GPC5: variants seen among roughly 807,000 people sequenced by gnomAD.
GPC5 encodes glypican 5.
In GPC5, 47 loss-of-function variants were observed where a neutral mutation model predicts 53.9. That is an observed-to-expected ratio of 0.87 (90% CI 0.69 to 1.11). GPC5 has a LOEUF of 1.11. Among genes scored for constraint, GPC5 ranks in the 50% most tolerant of loss-of-function variants. The pLI is 0.00. For missense variants in GPC5, 748 were observed against 713.1 expected, an observed-to-expected ratio of 1.05 and a Z score of -0.56; for synonymous variants, 286 against 263.3, an observed-to-expected ratio of 1.09 and a Z score of -0.84.
At chr13:92,530,452 G>A (rs1313177490) in intron 7 of GPC5, among the ~76,000 whole-genome samples, 1 of 152,034 alleles carries the variant, frequency 6.6e-6, no homozygotes, top group South Asian at 2.1e-4. Context: ...GAGAAAACAT[G>A]AAGAATGGCA....
intron 7 of GPC5, among the ~76,000 whole-genome samples, chr13:92,309,445 T>A (rs2043131914): frequency 6.6e-6 from 1 of 152,144 alleles, no homozygotes; most frequent in Non-Finnish European, 1.5e-5. Flanking sequence ...TGAATGTGTT[T>A]ACTCATACAC....
At chr13:92,159,828 T>A (rs1416439260) in intron 7 of GPC5, among the ~76,000 whole-genome samples, 1 of 151,912 alleles carries the variant, frequency 6.6e-6, no homozygotes, top group Non-Finnish European at 1.5e-5. Flanking sequence ...AGTCTCGATC[T>A]CCTGACCTCG....
intron 7 of GPC5, among the ~76,000 whole-genome samples, chr13:92,203,184 A>C (rs1352049711): frequency 2.6e-5 from 4 of 152,034 alleles, no homozygotes; most frequent in Non-Finnish European, 5.9e-5. Flanking sequence ...AGACACATGC[A>C]CACGTATGTT....
chr13:92,757,891 A>C (rs1285165965), intron 7 of GPC5, among the ~76,000 whole-genome samples: 2 of 151,334 alleles, frequency 1.3e-5, no homozygotes, highest in East Asian at 3.9e-4. Context: ...GTGGGACTGT[A>C]AACTAGTTCA....
intron 2 of GPC5, among the ~76,000 whole-genome samples, chr13:91,682,757 C>T (rs2035536752): frequency 1.3e-5 from 2 of 152,156 alleles, no homozygotes; most frequent in African/African-American, 4.8e-5. Context: ...CATTTTATTT[C>T]AATTGAATCT....
At chr13:91,896,150 C>G (rs957652666) in intron 5 of GPC5, among the ~76,000 whole-genome samples, 1 of 142,224 alleles carries the variant, frequency 7.0e-6, no homozygotes, top group Non-Finnish European at 1.5e-5. Flanking sequence ...GGCAGAGTCT[C>G]GCTCTATCAT....
chr13:91,730,408 C>A (rs1231263893), intron 4 of GPC5, among the ~76,000 whole-genome samples: 1 of 152,118 alleles, frequency 6.6e-6, no homozygotes, highest in African/African-American at 2.4e-5. Flanking sequence ...ACCGCTTGAG[C>A]CTGATTTCCA....
At position 92,033,696 on chromosome 13, in the gene GPC5, G is replaced by A. The variant is rs369455960; in HGVS notation, c.1402-111134G>A. Among the ~76,000 whole-genome samples the A allele has an allele frequency of 8.9e-4, 135 of 152,260 alleles. 6 individuals are homozygous for A. The South Asian group carries it at 0.028, about 31-fold the overall frequency. On this transcript the variant is annotated intron_variant, in intron 6 of 7. Coordinates refer to ENST00000377067, the MANE Select transcript of GPC5 (RefSeq NM_004466.6). Reference sequence around the variant, plus strand: ...GATTCTGAAGAGTAAATTTAATTAAGTTATATGGGATGCTTTTAACTGCCT... The same window carrying A: ...GATTCTGAAGAGTAAATTTAATTAAATTATATGGGATGCTTTTAACTGCCT...
chr13:91,921,181 T>C (rs1021130462), intron 6 of GPC5, among the ~76,000 whole-genome samples: 4 of 152,118 alleles, frequency 2.6e-5, no homozygotes, highest in Non-Finnish European at 5.9e-5. Context: ...AGGTGATTCA[T>C]CTGCCTCGGC....
chr13:91,717,847 G>A (rs1313344202), intron 3 of GPC5, among the ~76,000 whole-genome samples: 4 of 152,026 alleles, frequency 2.6e-5, no homozygotes, highest in South Asian at 2.1e-4. Flanking sequence ...GAGCCACCGC[G>A]CCTGGCCTGC....
chr13:92,365,180 C>A (rs990427691), intron 7 of GPC5, among the ~76,000 whole-genome samples: 1 of 151,702 alleles, frequency 6.6e-6, no homozygotes, highest in African/African-American at 2.4e-5. Context: ...ACTACGTACC[C>A]AGGCTGTGTG....
intron 7 of GPC5, among the ~76,000 whole-genome samples, chr13:92,407,861 C>T (rs1875861175): frequency 6.6e-6 from 1 of 151,998 alleles, no homozygotes; most frequent in Non-Finnish European, 1.5e-5. Context: ...AAGATAATAA[C>T]TAATGAAAAG....
intron 5 of GPC5, among the ~76,000 whole-genome samples, chr13:91,805,063 A>G (rs1813966): frequency 1.3e-5 from 2 of 152,030 alleles, no homozygotes; most frequent in Non-Finnish European, 1.5e-5. Flanking sequence ...ACCTTCACAC[A>G]TCTCCCCCTG....
intron 7 of GPC5, among the ~76,000 whole-genome samples, chr13:92,829,440 T>C (rs556879568): frequency 2.4e-4 from 37 of 152,328 alleles, no homozygotes; most frequent in African/African-American, 7.9e-4. Flanking sequence ...ATTTACTGTT[T>C]TCTGAATTGC....
chr13:91,939,842 C>A (rs1190079458), intron 6 of GPC5, among the ~76,000 whole-genome samples: 6 of 152,232 alleles, frequency 3.9e-5, no homozygotes, highest in Middle Eastern at 6.8e-3. Context: ...ACACATGAGA[C>A]AAGGAAGCCA....
At chr13:92,099,617 T>C (rs1271930994) in intron 6 of GPC5, among the ~76,000 whole-genome samples, 1 of 152,226 alleles carries the variant, frequency 6.6e-6, no homozygotes, top group Non-Finnish European at 1.5e-5. Context: ...TATCTATTTG[T>C]AGGTTGGTAA....
chr13:92,195,691 T>C (rs1247781238), intron 7 of GPC5, among the ~76,000 whole-genome samples: 27 of 152,190 alleles, frequency 1.8e-4, no homozygotes, highest in Non-Finnish European at 1.5e-5. Flanking sequence ...ACACGAAATA[T>C]CTGGCAAGGT....
chr13:91,602,002 A>C (rs2033195649), intron 2 of GPC5, among the ~76,000 whole-genome samples: 1 of 152,242 alleles, frequency 6.6e-6, no homozygotes, highest in Non-Finnish European at 1.5e-5. Flanking sequence ...CTGTCCAGTC[A>C]ACAAGACAAA....
chr13:92,398,266 A>G (rs1399377748), intron 7 of GPC5, among the ~76,000 whole-genome samples: 3 of 150,636 alleles, frequency 2.0e-5, no homozygotes, highest in Non-Finnish European at 4.4e-5. Context: ...CGTCTCTACT[A>G]AAAATACAAA....
Sources: gnomAD v4.1 joint callset for allele counts (sites outside exome capture counted in the v4.1 genomes callset) on GRCh38, gnomAD v4.1.1 for gene constraint, MANE v1.5 for transcripts, NCBI Gene and HGNC (gene_info 2026-07-23, HGNC 2026-07-21) for gene names.